ZZEF1: variants seen among roughly 807,000 people sequenced by gnomAD.
ZZEF1 encodes the protein zinc finger ZZ-type and EF-hand domain-containing protein 1.
A neutral mutation model predicts 342.8 loss-of-function variants in ZZEF1; 157 were observed. The observed-to-expected ratio is 0.46, with a 90% CI of 0.40 to 0.52. ZZEF1 has a LOEUF of 0.52. Ranked by LOEUF, ZZEF1 falls within the 20% of genes least tolerant of loss-of-function variation. The pLI, the probability that ZZEF1 is intolerant of heterozygous loss-of-function variation, is 0.00. For synonymous variants in ZZEF1, 1,505 were observed against 1,429.1 expected (o/e 1.05, Z -1.20); for missense variants, 3,480 against 3,725.6 (o/e 0.93, Z 1.72).
intron 1 of ZZEF1, among the ~76,000 whole-genome samples, chr17:4,133,031 A>G (rs1310905347): frequency 1.3e-5 from 2 of 152,132 alleles, no homozygotes; most frequent in African/African-American, 4.8e-5. Flanking sequence ...ATCTTCCCTG[A>G]GGCCCTGCGG....
chr17:4,080,376 G>A (rs892009029), intron 18 of ZZEF1, among the ~76,000 whole-genome samples: 6 of 151,646 alleles, frequency 4.0e-5, no homozygotes, highest in Middle Eastern at 6.8e-3. Flanking sequence ...AGTTTCGCTC[G>A]TTGCCCAGGC....
At chr17:4,109,971 G>C in intron 5 of ZZEF1, 108 bp from the exon 6 acceptor site, 1 of 980,482 alleles carries the variant, frequency 1.0e-6, no homozygotes, top group Non-Finnish European at 1.5e-6. Flanking sequence ...AGAAAATTCT[G>C]AAGGTACACT....
chr17:4,064,509 G>A lies in ZZEF1; in HGVS notation c.4570C>T (p.Arg1524Cys), dbSNP rs1406000020. 8.1e-6 allele frequency: 13 copies of A among 1,614,176 alleles called. No homozygotes were observed. The highest frequency in any genetic ancestry group is 5.0e-5 in the Admixed American group (3 of 60,024). The change falls in exon 29 of 55, where the codon CGC becomes TGC. Residue 1524 changes from arginine to cysteine, a missense_variant. Arg to Cys is a radical substitution (Grantham distance 180). Coordinates refer to ENST00000381638, the MANE Select transcript of ZZEF1 (RefSeq NM_015113.4). ...CGCCCTCGGGTGAAGGGAGGCCGGCGGGTGGGTGTGGAAGGTGACAAGGGC... is the reference window on the plus strand; with the variant it reads ...CGCCCTCGGGTGAAGGGAGGCCGGCAGGTGGGTGTGGAAGGTGACAAGGGC... ...EEPLSPSTPT[R>C]RPPFTRGRLR...
At chr17:4,131,558 TG>T (rs2058662729) in intron 1 of ZZEF1, among the ~76,000 whole-genome samples, 1 of 151,772 alleles carries the variant, frequency 6.6e-6, no homozygotes, top group Non-Finnish European at 1.5e-5. Flanking sequence ...GTGGGTGGAT[TG>T]CATGAGTCCA....
intron 38 of ZZEF1, among the ~76,000 whole-genome samples, chr17:4,043,889 C>A (rs1409514540): frequency 6.6e-6 from 1 of 152,220 alleles, no homozygotes; most frequent in Non-Finnish European, 1.5e-5. Flanking sequence ...TTACCTGCAC[C>A]TGTGTCTTAA....
At chr17:4,128,118 A>G (rs1036950747) in intron 1 of ZZEF1, among the ~76,000 whole-genome samples, 2 of 152,096 alleles carry the variant, frequency 1.3e-5, no homozygotes, top group Admixed American at 6.5e-5. Context: ...GGCTGAGGCC[A>G]GCAGATCACT....
chr17:4,016,342 T>C lies in ZZEF1; in HGVS notation c.8126A>G (p.Asn2709Ser). Reference sequence around the variant, plus strand: ...GCTTACCTCGAAGTTGGTGTTGTTGTTATACGGGTGTTTCGACTCCCTCAC... The same window carrying C: ...GCTTACCTCGAAGTTGGTGTTGTTGCTATACGGGTGTTTCGACTCCCTCAC... ...VQVRESKHPY[N>S]NNTNFEDKVH... The change falls in exon 49 of 55, where the codon AAC becomes AGC. Residue 2709 changes from asparagine (N) to serine (S), a missense_variant. By Grantham distance (46) the Asn-to-Ser change is conservative. This residue lies in a region of ZZEF1 where 1,269 missense variants were observed against 1,342.4 expected (regional missense o/e 0.95). Coordinates refer to ENST00000381638, the MANE Select transcript of ZZEF1 (RefSeq NM_015113.4). The surrounding 1 kb of genome is among the most constrained non-coding windows in gnomAD (Gnocchi z 4.4). 6.2e-7 allele frequency: 1 copy of C among 1,614,156 alleles called. No individual in the cohort carries two copies. The highest frequency in any genetic ancestry group is 8.5e-7 in the Non-Finnish European group (1 of 1,180,018).
Position 4,014,283 on chromosome 17 carries a change from T to G in ZZEF1, c.8314+64A>C, listed in dbSNP as rs1290549530. ...TTCAACATTCTCCAGTAAGTTCCCT[T>G]CTCAATATTAAGTTTAAACACTGCC... On this transcript the variant is annotated intron_variant, in intron 50 of 54. Coordinates refer to ENST00000381638, the MANE Select transcript of ZZEF1 (RefSeq NM_015113.4). This position sits in a 1 kb window ranked among gnomAD's most constrained non-coding sequence, Gnocchi z 4.4. 1.9e-6 allele frequency: 3 copies of G among 1,611,334 alleles called. No homozygotes were observed. The highest frequency in any genetic ancestry group is 2.5e-6 in the Non-Finnish European group (3 of 1,177,820).
intron 1 of ZZEF1, among the ~76,000 whole-genome samples, chr17:4,141,124 G>T (rs1014467552): frequency 6.6e-6 from 1 of 152,088 alleles, no homozygotes; most frequent in African/African-American, 2.4e-5. Flanking sequence ...GGCCAGGCTG[G>T]TCTTGAATTC....
Position 4,081,948 on chromosome 17 carries a change from C to CA in ZZEF1, c.2715-459dup, listed in dbSNP as rs1290301617. On this transcript the variant is annotated intron_variant, in intron 17 of 54. Coordinates refer to ENST00000381638, the MANE Select transcript of ZZEF1 (RefSeq NM_015113.4). ...TACCAGGTATAGTCTGACTTGCAGG[C>CA]AGTCGCTAAGGATATTAGTTCCCTT... is the stretch of plus-strand genomic sequence containing the variant. 2.0e-5 allele frequency among the ~76,000 whole-genome samples: 3 copies of CA among 152,174 alleles called. No homozygotes were observed. In the East Asian group the frequency reaches 5.8e-4, roughly 29 times the overall value.
intron 18 of ZZEF1, among the ~76,000 whole-genome samples, chr17:4,079,273 G>A (rs555821499): frequency 3.3e-5 from 5 of 152,308 alleles, no homozygotes; most frequent in Non-Finnish European, 7.3e-5. Context: ...AGGTGAGAAC[G>A]CTGAAGTTTT....
At chr17:4,042,806 C>CA (rs1157809469) in intron 38 of ZZEF1, among the ~76,000 whole-genome samples, 2 of 152,232 alleles carry the variant, frequency 1.3e-5, no homozygotes, top group Non-Finnish European at 2.9e-5. Flanking sequence ...CTCAGCCTCC[C>CA]AAGTAGCTGG....
intron 2 of ZZEF1, among the ~76,000 whole-genome samples, chr17:4,122,393 T>C (rs1437450708): frequency 6.6e-6 from 1 of 152,118 alleles, no homozygotes; most frequent in Non-Finnish European, 1.5e-5. Flanking sequence ...TTTTTTTTTT[T>C]TCCAGACGGA....
intron 38 of ZZEF1, 61 bp from the exon 39 acceptor site, chr17:4,042,629 TA>T: frequency 2.6e-6 from 4 of 1,543,000 alleles, no homozygotes; most frequent in Non-Finnish European, 3.5e-6. Flanking sequence ...AAGAGGCAAG[TA>T]AACCACTGCA....
intron 25 of ZZEF1, 77 bp downstream of exon 25, chr17:4,072,531 A>T: frequency 6.9e-7 from 1 of 1,454,108 alleles, no homozygotes; most frequent in South Asian, 1.4e-5. Flanking sequence ...TAGAAACACA[A>T]GTGTTTATAA....
intron 44 of ZZEF1, among the ~76,000 whole-genome samples, chr17:4,021,721 A>G (rs1276046180): frequency 6.6e-6 from 1 of 152,224 alleles, no homozygotes; most frequent in Non-Finnish European, 1.5e-5. Context: ...ACTGAAAGCC[A>G]CCTTCATGTA....
intron 21 of ZZEF1, chr17:4,076,183 G>C (rs886978571): frequency 2.8e-5 from 4 of 140,736 alleles, no homozygotes; most frequent in Admixed American, 7.3e-5. Flanking sequence ...CCAGGCGGGA[G>C]TGCAGTGGCG....
chr17:4,077,003 G>T lies in ZZEF1; in HGVS notation c.2990-14C>A. 1.9e-6 allele frequency: 3 copies of T among 1,604,330 alleles called. No individual in the cohort carries two copies. Among genetic ancestry groups the T allele is most frequent in the Non-Finnish European group, 2.6e-6 (3 of 1,175,816 alleles). ...ACTGGCCCACATCTACCGAAACAAA[G>T]AAAATAATTAATATATTATATAGTA... On this transcript the variant is annotated splice_polypyrimidine_tract_variant and intron_variant, in intron 19 of 54. Coordinates refer to ENST00000381638, the MANE Select transcript of ZZEF1 (RefSeq NM_015113.4).
chr17:4,061,948 G>A (rs1454319801), intron 30 of ZZEF1, among the ~76,000 whole-genome samples: 2 of 152,172 alleles, frequency 1.3e-5, no homozygotes, highest in Non-Finnish European at 2.9e-5. Context: ...AACAAAGTGT[G>A]ATCCTCCTGG....
Sources: gnomAD v4.1 joint callset for allele counts (sites outside exome capture counted in the v4.1 genomes callset) on GRCh38, gnomAD v4.1.1 for gene constraint, gnomAD v4.1.1 regional missense constraint, Gnocchi (gnomAD v3.1) non-coding constraint, MANE v1.5 for transcripts, NCBI Gene and HGNC (gene_info 2026-07-23, HGNC 2026-07-21) for gene names.